The following MICAL2 variants were observed in gnomAD, a reference collection of about 807,000 sequenced individuals.
The protein encoded by MICAL2 is [F-actin]-monooxygenase MICAL2.
In MICAL2, 77 loss-of-function variants were observed where a neutral mutation model predicts 127.3. The ratio of observed to expected loss-of-function variants is 0.60; its 90% CI spans 0.50 to 0.73. MICAL2 has a LOEUF of 0.73. Among genes scored for constraint, MICAL2 ranks in the 30% least tolerant of loss-of-function variants. The probability of loss-of-function intolerance (pLI) is 0.00; values close to 1 mark genes in which losing one functional copy is unlikely to be tolerated. For synonymous variants in MICAL2, 570 were observed against 551.1 expected (o/e 1.03, Z -0.48); for missense variants, 1,351 against 1,434.4 (o/e 0.94, Z 0.94).
At chr11:12,308,647 A>C (rs1864139388) in intron 29 of MICAL2, among the ~76,000 whole-genome samples, 1 of 152,240 alleles carries the variant, frequency 6.6e-6, no homozygotes, top group Non-Finnish European at 1.5e-5. Flanking sequence ...TTTAAATAGA[A>C]TTTTAGCAAG....
At chr11:12,281,155 C>T in intron 2 of MICAL2, 1 of 398,834 alleles carries the variant, frequency 2.5e-6, no homozygotes, top group African/African-American at 2.1e-5. Context: ...AACAGAGACC[C>T]CCACAGCTGA....
chr11:12,290,091 C>T (rs186960890), downstream of MICAL2, among the ~76,000 whole-genome samples: 1 of 152,296 alleles, frequency 6.6e-6, no homozygotes, highest in Admixed American at 6.5e-5. Flanking sequence ...CTCATCACCT[C>T]TCTCCCCAGG....
Position 12,256,860 on chromosome 11 carries a change from G to A in MICAL2, c.3031G>A (p.Val1011Met), listed in dbSNP as rs780747971. Residue 1011 changes from valine (V) to methionine (M), a missense_variant, in exon 24 of 28, where the codon GTG becomes ATG. Around this residue, in one of 2 missense-constraint regions of MICAL2, gnomAD observed 752 missense variants for 719.4 expected, o/e 1.05. Transcript: ENST00000683283. ...TTACTTCTGTAAGAAACGTGTGTACGTGATGGAACGGCTGAGCGCCGAGGG... is the reference window on the plus strand; with the variant it reads ...TTACTTCTGTAAGAAACGTGTGTACATGATGGAACGGCTGAGCGCCGAGGG... ...TCYFCKKRVY[V>M]MERLSAEGHF... The A allele has an allele frequency of 4.6e-5, 75 of 1,614,088 alleles. No individual in the cohort carries two copies. Among genetic ancestry groups the A allele is most frequent in the Non-Finnish European group, 6.1e-5 (72 of 1,180,024 alleles).
At chr11:12,190,312 C>T (rs933190009) in intron 3 of MICAL2, among the ~76,000 whole-genome samples, 1 of 152,130 alleles carries the variant, frequency 6.6e-6, no homozygotes, top group African/African-American at 2.4e-5. Flanking sequence ...TTGGACTCTC[C>T]TACGTAACCA....
intron 32 of MICAL2, among the ~76,000 whole-genome samples, chr11:12,328,168 A>G (rs1226265344): frequency 1.3e-5 from 2 of 152,236 alleles, no homozygotes; most frequent in African/African-American, 4.8e-5. Flanking sequence ...GTGAAGACCT[A>G]CTATGCATTA....
chr11:12,236,040 G>A (rs1374265168), intron 15 of MICAL2, 137 bp from the exon 16 acceptor site: 2 of 721,168 alleles, frequency 2.8e-6, no homozygotes, highest in Non-Finnish European at 5.0e-6. Flanking sequence ...ACTCCTGCCT[G>A]TAGGCTGACA....
intron 15 of MICAL2, among the ~76,000 whole-genome samples, chr11:12,227,869 A>G (rs943413670): frequency 6.6e-6 from 1 of 152,258 alleles, no homozygotes. Flanking sequence ...GTGTTTTCCT[A>G]GAAAATTAAA....
At chr11:12,159,312 C>T (rs1219191652) in intron 2 of MICAL2, among the ~76,000 whole-genome samples, 1 of 152,156 alleles carries the variant, frequency 6.6e-6, no homozygotes, top group Admixed American at 6.5e-5. Context: ...CTAAACTGTT[C>T]ATAATTTTAG....
chr11:12,315,093 T>C (rs1456758699), intron 29 of MICAL2, among the ~76,000 whole-genome samples: 3 of 152,214 alleles, frequency 2.0e-5, no homozygotes, highest in African/African-American at 7.2e-5. Flanking sequence ...CCTTTGTTTT[T>C]AAAGGATATT....
At chr11:12,294,966 A>C (rs780795116), downstream of MICAL2, 3 of 1,342,242 alleles carry the variant, frequency 2.2e-6, no homozygotes, top group Non-Finnish European at 2.9e-6. Flanking sequence ...CTCAAATACT[A>C]ACAAAAGTAG....
chr11:12,186,406 A>C (rs998590104), intron 3 of MICAL2, among the ~76,000 whole-genome samples: 12 of 152,162 alleles, frequency 7.9e-5, no homozygotes, highest in Non-Finnish European at 1.5e-4. Flanking sequence ...TTTAATGACA[A>C]CTATCATTTG....
chr11:12,317,845 G>A (rs2134834911), intron 29 of MICAL2, among the ~76,000 whole-genome samples: 1 of 151,376 alleles, frequency 6.6e-6, no homozygotes, highest in South Asian at 2.1e-4. Flanking sequence ...AGAGTAACAA[G>A]AAAAAGACTC....
chr11:12,355,166 G>T (rs561335227), intron 34 of MICAL2, among the ~76,000 whole-genome samples: 58 of 152,330 alleles, frequency 3.8e-4, no homozygotes, highest in Admixed American at 1.0e-3. Context: ...CCTGGTTTAT[G>T]ATGAAGAGCA....
intron 7 of MICAL2, among the ~76,000 whole-genome samples, chr11:12,214,122 G>C (rs1345419308): frequency 1.3e-5 from 2 of 152,170 alleles, no homozygotes; most frequent in African/African-American, 2.4e-5. Context: ...ATAAACCAGT[G>C]ACTCATCAGG....
At chr11:12,265,451 T>A (rs1863585372), downstream of MICAL2, among the ~76,000 whole-genome samples, 1 of 152,148 alleles carries the variant, frequency 6.6e-6, no homozygotes. Flanking sequence ...TAAGCATAAA[T>A]CCTCTAATAG....
At chr11:12,239,755 T>A (rs989814481) in intron 17 of MICAL2, among the ~76,000 whole-genome samples, 170 bp downstream of exon 17, 1 of 152,192 alleles carries the variant, frequency 6.6e-6, no homozygotes, top group African/African-American at 2.4e-5. Flanking sequence ...CAGATAGCAG[T>A]TTTTTAGTGC....
intron 1 of MICAL2, among the ~76,000 whole-genome samples, chr11:12,124,321 CT>C (rs1219783843): frequency 6.6e-6 from 1 of 152,172 alleles, no homozygotes; most frequent in Admixed American, 6.5e-5. Flanking sequence ...GACCGACTGA[CT>C]TTGGGAAGAG....
At chr11:12,276,355 T>C in intron 1 of MICAL2, 1 of 394,086 alleles carries the variant, frequency 2.5e-6, no homozygotes, top group Non-Finnish European at 4.5e-6. Flanking sequence ...AATTCATATG[T>C]GTTAAGTGTA....
In MICAL2 at chr11:12,138,372, G is replaced by A. The variant is rs1242550735; in HGVS notation, c.-148-18G>A. The A allele has an allele frequency of 6.6e-6, 1 of 152,210 alleles. No homozygotes were observed. The allele number at this position is 152,210 out of a possible 1,614,324, so 9.4% of individuals were successfully genotyped here. On this transcript the variant is annotated intron_variant, in intron 1 of 27. Coordinates refer to ENST00000683283, the MANE Select transcript of MICAL2 (RefSeq NM_001282663.2). ...GATGATGTCACTGACATTAATTGTT[G>A]GGCTCTTGTTTTTAAAGGAACATGG...
Sources: gnomAD v4.1 joint callset for allele counts (sites outside exome capture counted in the v4.1 genomes callset) on GRCh38, gnomAD v4.1.1 for gene constraint, gnomAD v4.1.1 regional missense constraint, MANE v1.5 for transcripts, NCBI Gene and HGNC (gene_info 2026-07-23, HGNC 2026-07-21) for gene names.